Variants in CIT observed in about 807,000 individuals in gnomAD.
CIT encodes the protein citron rho-interacting serine/threonine kinase.
A neutral mutation model predicts 272.7 loss-of-function variants in CIT; 79 were observed. The ratio of observed to expected loss-of-function variants is 0.29; its 90% CI spans 0.24 to 0.35. The LOEUF is 0.35. Among genes scored for constraint, CIT ranks in the 10% least tolerant of loss-of-function variants. The probability of loss-of-function intolerance (pLI) is 1.00; values close to 1 mark genes in which losing one functional copy is unlikely to be tolerated. For missense variants in CIT, 1,909 were observed against 2,618.3 expected, an observed-to-expected ratio of 0.73 and a Z score of 5.91; for synonymous variants, 948 against 995.6, an observed-to-expected ratio of 0.95 and a Z score of 0.90.
intron 5 of CIT, among the ~76,000 whole-genome samples, chr12:119,839,034 CAA>C (rs990323818): frequency 2.8e-4 from 43 of 152,336 alleles, no homozygotes; most frequent in Admixed American, 1.4e-3. Context: ...TCTTTTAAAG[CAA>C]AGACTTTCAG....
Position 119,776,699 on chromosome 12 carries a change from C to A in CIT, c.1809G>T (p.Ala603=). Residue 603 remains alanine (A), a synonymous_variant, in exon 14 of 48, where the codon GCG becomes GCT. Coordinates refer to ENST00000392521, the MANE Select transcript of CIT (RefSeq NM_001206999.2). ...TCAACAGTTTATGCTGACATTCTGT[C>A]GCTTTCCGCTTGAATTCTTCAGCAG... The part of the protein sequence containing the change: ...RLAAEEFKRK[A]TECQHKLLKA... 2 of 1,613,782 alleles carry A rather than the reference C, an allele frequency of 1.2e-6. No individual in the cohort carries two copies. The highest frequency in any genetic ancestry group is 1.3e-5 in the African/African-American group (1 of 75,004).
intron 10 of CIT, among the ~76,000 whole-genome samples, chr12:119,797,578 T>C (rs541330252): frequency 1.1e-4 from 16 of 152,320 alleles, no homozygotes; most frequent in Non-Finnish European, 1.3e-4. Context: ...GTCTGGGAAA[T>C]ACAGCAGATG....
intron 6 of CIT, 104 bp downstream of exon 6, chr12:119,833,982 G>T (rs750015846): frequency 1.6e-6 from 2 of 1,214,904 alleles, no homozygotes; most frequent in Non-Finnish European, 2.3e-6. Context: ...TGGATGGGGC[G>T]TTATCTTGAT....
At position 119,687,245 on chromosome 12, in the gene CIT, T is replaced by C. The variant is rs1174669392; in HGVS notation, c.*987A>G. On this transcript the variant is annotated 3_prime_UTR_variant, in exon 48 of 48. Transcript: ENST00000392521. ...GGGCAGCACATGCAGTGAACTGCCA[T>C]GCAGAACTCCCGACGGGCCTCTTCC... The C allele has an allele frequency of 1.3e-5, 2 of 152,538 alleles. No homozygotes were observed. The highest frequency in any genetic ancestry group is 4.8e-5 in the African/African-American group (2 of 41,424). The allele number at this position is 152,538 out of a possible 1,614,324, so 9.4% of individuals were successfully genotyped here.
intron 10 of CIT, among the ~76,000 whole-genome samples, chr12:119,795,284 G>A (rs972876605): frequency 6.6e-6 from 1 of 152,132 alleles, no homozygotes. Flanking sequence ...CTACACGGGA[G>A]GCTGAGGCAC....
rs1474201077 is a variant in CIT, at chr12:119,857,514, TC to T, written c.414+8del. On this transcript the variant is annotated splice_region_variant and intron_variant, in intron 4 of 47. Coordinates refer to ENST00000392521, the MANE Select transcript of CIT (RefSeq NM_001206999.2). ...AAAGTGGAAAAGCATGATGTTAAAA[TC>T]CTCCTACCTGCTCCTGGGCCAATAA... 1 of 1,613,736 alleles carries T rather than the reference TC, an allele frequency of 6.2e-7. No homozygotes were observed. Among genetic ancestry groups the T allele is most frequent in the Admixed American group, 1.7e-5 (1 of 59,974 alleles).
intron 4 of CIT, among the ~76,000 whole-genome samples, chr12:119,853,427 T>C (rs565823787): frequency 6.6e-6 from 1 of 151,848 alleles, no homozygotes; most frequent in Non-Finnish European, 1.5e-5. Flanking sequence ...GATTTGTTTA[T>C]TTGTTTGTTT....
chr12:119,875,625 T>G (rs1347216191), intron 2 of CIT, among the ~76,000 whole-genome samples: 1 of 151,648 alleles, frequency 6.6e-6, no homozygotes, highest in Non-Finnish European at 1.5e-5. Context: ...AGGCCTAGAG[T>G]CGACAGAAGA....
At chr12:119,698,203 T>A (rs530583201) in intron 44 of CIT, 149 bp from the exon 45 acceptor site, 3 of 700,888 alleles carry the variant, frequency 4.3e-6, no homozygotes, top group Non-Finnish European at 7.6e-6. Context: ...AGAACAGTCA[T>A]GCATGTTCGA....
At chr12:119,773,276 A>T (rs1963382428) in intron 16 of CIT, among the ~76,000 whole-genome samples, 1 of 152,212 alleles carries the variant, frequency 6.6e-6, no homozygotes, top group South Asian at 2.1e-4. Context: ...GAATGGAAAT[A>T]GAAAGATCTA....
At chr12:119,796,448 G>A (rs542458051) in intron 10 of CIT, among the ~76,000 whole-genome samples, 5 of 152,326 alleles carry the variant, frequency 3.3e-5, no homozygotes, top group Non-Finnish European at 5.9e-5. Flanking sequence ...GATGGCGGGG[G>A]AGGCAGAAAA....
chr12:119,815,541 T>C (rs907951487), intron 9 of CIT, among the ~76,000 whole-genome samples: 39 of 152,142 alleles, frequency 2.6e-4, no homozygotes, highest in African/African-American at 9.2e-4. Context: ...ACCCCATCTC[T>C]ACTAAAAATA....
chr12:119,835,583 G>C (rs1246859196), intron 5 of CIT, among the ~76,000 whole-genome samples: 1 of 152,020 alleles, frequency 6.6e-6, no homozygotes, highest in Non-Finnish European at 1.5e-5. Context: ...CTGGGAAAAA[G>C]GCAAGATCTG....
At chr12:119,834,303 T>C in intron 5 of CIT, 75 bp from the exon 6 acceptor site, 4 of 1,304,152 alleles carry the variant, frequency 3.1e-6, no homozygotes, top group East Asian at 2.4e-5. Context: ...TCCTCGAATA[T>C]CACCTGACGT....
Position 119,857,751 on chromosome 12 carries a change from C to A in CIT, c.239-53G>T, listed in dbSNP as rs1198862604. On this transcript the variant is annotated intron_variant, in intron 3 of 47. Coordinates refer to ENST00000392521, the MANE Select transcript of CIT (RefSeq NM_001206999.2). ...GGTAAATAAAGCATGCAAATATATG[C>A]ATCTTTATGAAAGAAAAAAAAAAAA... 4.9e-6 allele frequency: 7 copies of A among 1,416,522 alleles called. No individual in the cohort carries two copies. In the East Asian group the frequency reaches 7.0e-5, roughly 14 times the overall value. 87.7% of individuals were successfully genotyped at this position (1,416,522 alleles called of 1,614,324 possible).
intron 23 of CIT, among the ~76,000 whole-genome samples, chr12:119,750,330 AT>A (rs1329562544): frequency 6.6e-6 from 1 of 151,552 alleles, no homozygotes; most frequent in East Asian, 1.9e-4. Flanking sequence ...TCCTAGCTCC[AT>A]TTTTTCTTCT....
At chr12:119,809,812 C>A (rs900897880) in intron 9 of CIT, among the ~76,000 whole-genome samples, 1 of 152,220 alleles carries the variant, frequency 6.6e-6, no homozygotes, top group Non-Finnish European at 1.5e-5. Context: ...TAGATCATAG[C>A]CTTTTCGTGC....
chr12:119,830,313 G>A (rs1009413610), intron 7 of CIT, among the ~76,000 whole-genome samples: 3 of 151,282 alleles, frequency 2.0e-5, no homozygotes, highest in Non-Finnish European at 4.4e-5. Flanking sequence ...ATAAACCTGG[G>A]AGGCTCCCCA....
intron 23 of CIT, among the ~76,000 whole-genome samples, chr12:119,746,097 A>G (rs1959353783): frequency 6.6e-6 from 1 of 152,194 alleles, no homozygotes; most frequent in African/African-American, 2.4e-5. Context: ...GCCTAGACCC[A>G]AGGACCACAC....
Sources: gnomAD v4.1 joint callset for allele counts (sites outside exome capture counted in the v4.1 genomes callset) on GRCh38, gnomAD v4.1.1 for gene constraint, MANE v1.5 for transcripts, NCBI Gene and HGNC (gene_info 2026-07-23, HGNC 2026-07-21) for gene names.